Variants in CHN2 observed in about 807,000 individuals in gnomAD.
CHN2 encodes chimerin 2, also known as beta-chimaerin.
Under a neutral mutation model 56.3 loss-of-function variants are expected in CHN2, and 35 were observed. The ratio of observed to expected loss-of-function variants is 0.62; its 90% CI spans 0.47 to 0.82. The LOEUF (loss-of-function observed/expected upper bound fraction) is 0.82. Among genes scored for constraint, CHN2 ranks in the 40% least tolerant of loss-of-function variants. The pLI, the probability that CHN2 is intolerant of heterozygous loss-of-function variation, is 0.00. For synonymous variants in CHN2, 210 were observed against 212.8 expected, an observed-to-expected ratio of 0.99 and a Z score of 0.12; for missense variants, 491 against 580.5, an observed-to-expected ratio of 0.85 and a Z score of 1.58.
intron 1 of CHN2, among the ~76,000 whole-genome samples, chr7:29,238,651 G>T (rs1373303635): frequency 1.3e-5 from 2 of 152,108 alleles, no homozygotes; most frequent in Non-Finnish European, 2.9e-5. Flanking sequence ...GAAAAAATGG[G>T]GCAAATATGA....
At chr7:29,255,139 G>A (rs1009122330) in intron 1 of CHN2, among the ~76,000 whole-genome samples, 2 of 152,214 alleles carry the variant, frequency 1.3e-5, no homozygotes, top group Non-Finnish European at 2.9e-5. Flanking sequence ...AGGGGCAGAA[G>A]AGGAGAGGGG....
chr7:29,443,782 A>G (rs1038338375), intron 6 of CHN2, among the ~76,000 whole-genome samples: 1 of 152,064 alleles, frequency 6.6e-6, no homozygotes. Flanking sequence ...GAGATGGCAG[A>G]GGTGTGAGAC....
At chr7:29,193,458 A>G (rs1268757442), upstream of CHN2, 5 of 152,180 alleles carry the variant, frequency 3.3e-5, no homozygotes, top group East Asian at 1.9e-4. Flanking sequence ...AACTACCCCA[A>G]TGTGAACACT....
Position 29,182,192 on chromosome 7 carries a change from T to C in CHN2, c.274+35232T>C, listed in dbSNP as rs561434053. ...ATGCAAATGAACTGAACTTCTATTA[T>C]AAGATGGTGACAGGATGCTCTACAG... On this transcript the variant is annotated intron_variant, in intron 2 of 6. Coordinates refer to the CHN2 transcript ENST00000439384. Among the ~76,000 whole-genome samples, 13 of 152,320 alleles carry C rather than the reference T, an allele frequency of 8.5e-5. No homozygotes were observed. In the East Asian group the frequency reaches 1.7e-3, roughly 20 times the overall value.
At chr7:29,193,611 C>T (rs1238089821), upstream of CHN2, 2 of 152,096 alleles carry the variant, frequency 1.3e-5, no homozygotes, top group East Asian at 1.9e-4. Flanking sequence ...GAGCGTGAAA[C>T]AGACTTAAAA....
chr7:29,305,894 C>G (rs948246580), intron 1 of CHN2, among the ~76,000 whole-genome samples: 2 of 151,382 alleles, frequency 1.3e-5, no homozygotes, highest in Non-Finnish European at 2.9e-5. Context: ...TCCTCTTTCC[C>G]TCTCCTTTTC....
intron 6 of CHN2, among the ~76,000 whole-genome samples, chr7:29,404,649 C>A (rs1802485155): frequency 6.6e-6 from 1 of 152,048 alleles, no homozygotes; most frequent in Non-Finnish European, 1.5e-5. Context: ...AAGTACCTAG[C>A]AGTGTGGTGT....
intron 2 of CHN2, among the ~76,000 whole-genome samples, chr7:29,171,158 G>C (rs1796556853): frequency 6.6e-6 from 1 of 152,116 alleles, no homozygotes; most frequent in Non-Finnish European, 1.5e-5. Flanking sequence ...TCTGACTCTT[G>C]CCTGCAGAGC....
Position 29,354,620 on chromosome 7 carries a change from T to G in CHN2, c.50-5T>G. 1.2e-6 allele frequency: 2 copies of G among 1,607,926 alleles called. No homozygotes were observed. Among genetic ancestry groups the G allele is most frequent in the Non-Finnish European group, 1.7e-6 (2 of 1,178,350 alleles). ...GATGGATTTCTTTTTTTTTTTTCAT[T>G]CTAGATGCTGAAGAATACCAGCCTC... On this transcript the variant is annotated splice_polypyrimidine_tract_variant and splice_region_variant and intron_variant, in intron 1 of 12. Coordinates refer to ENST00000222792, the MANE Select transcript of CHN2 (RefSeq NM_004067.4).
intron 6 of CHN2, among the ~76,000 whole-genome samples, chr7:29,478,713 G>T (rs942101017): frequency 3.9e-5 from 6 of 152,174 alleles, no homozygotes; most frequent in African/African-American, 1.4e-4. Context: ...TAAAAATCTT[G>T]CTCCTCACAC....
Position 29,258,630 on chromosome 7 carries a change from T to G in CHN2, c.49+63640T>G, listed in dbSNP as rs533956180. Among the ~76,000 whole-genome samples, 104 of 152,310 alleles carry G rather than the reference T, an allele frequency of 6.8e-4. 1 individual carries two copies. The highest frequency in any genetic ancestry group is 2.2e-3 in the Admixed American group (34 of 15,304). On this transcript the variant is annotated intron_variant, in intron 1 of 12. Coordinates refer to ENST00000222792, the MANE Select transcript of CHN2 (RefSeq NM_004067.4). ...TTCTGAGTAGTGAAATGAAGTGTTTTTATTCTTTTGAAGTAGTGAGGACAC... is the reference window on the plus strand; with the variant it reads ...TTCTGAGTAGTGAAATGAAGTGTTTGTATTCTTTTGAAGTAGTGAGGACAC...
At chr7:29,251,998 A>C (rs1788558815) in intron 1 of CHN2, among the ~76,000 whole-genome samples, 1 of 152,152 alleles carries the variant, frequency 6.6e-6, no homozygotes, top group Non-Finnish European at 1.5e-5. Context: ...CATTCTCATT[A>C]ACCCACAAAC....
At chr7:29,435,560 G>A (rs1449052886) in intron 6 of CHN2, among the ~76,000 whole-genome samples, 1 of 152,094 alleles carries the variant, frequency 6.6e-6, no homozygotes, top group African/African-American at 2.4e-5. Context: ...CTGAATTCTG[G>A]GGGCAACTAT....
At chr7:29,294,529 GATACC>G (rs1792963942) in intron 1 of CHN2, among the ~76,000 whole-genome samples, 1 of 152,138 alleles carries the variant, frequency 6.6e-6, no homozygotes, top group African/African-American at 2.4e-5. Flanking sequence ...ACCGCAAGAA[GATACC>G]ATTTTTGTGC....
intron 6 of CHN2, among the ~76,000 whole-genome samples, chr7:29,436,902 T>G (rs1783266118): frequency 6.6e-6 from 1 of 151,804 alleles, no homozygotes; most frequent in African/African-American, 2.4e-5. Context: ...ACCTTTTTTT[T>G]TAAGCTACAC....
chr7:29,415,635 G>T (rs1057211713), intron 6 of CHN2, among the ~76,000 whole-genome samples: 2 of 152,182 alleles, frequency 1.3e-5, no homozygotes, highest in African/African-American at 4.8e-5. Context: ...GGAGAGGGGG[G>T]AGGCTGGAGA....
chr7:29,389,309 C>T (rs1801178397), intron 3 of CHN2, among the ~76,000 whole-genome samples: 1 of 152,188 alleles, frequency 6.6e-6, no homozygotes, highest in African/African-American at 2.4e-5. Flanking sequence ...CTGGTCTTGG[C>T]TCCAAATAAC....
At chr7:29,288,269 G>A (rs1429011965) in intron 1 of CHN2, among the ~76,000 whole-genome samples, 1 of 152,164 alleles carries the variant, frequency 6.6e-6, no homozygotes, top group Non-Finnish European at 1.5e-5. Context: ...TTCCCAGTCT[G>A]TAAAACAGGC....
chr7:29,257,590 A>G (rs1202678408), intron 1 of CHN2, among the ~76,000 whole-genome samples: 1 of 152,056 alleles, frequency 6.6e-6, no homozygotes, highest in African/African-American at 2.4e-5. Flanking sequence ...TTTGCATCCA[A>G]TCCATTGTCT....
Sources: gnomAD v4.1 joint callset for allele counts (sites outside exome capture counted in the v4.1 genomes callset) on GRCh38, gnomAD v4.1.1 for gene constraint, MANE v1.5 for transcripts, NCBI Gene and HGNC (gene_info 2026-07-23, HGNC 2026-07-21) for gene names.